RPS6KC1: variants seen among roughly 807,000 people sequenced by gnomAD.
RPS6KC1 encodes the protein ribosomal protein S6 kinase C1.
In RPS6KC1, 54 loss-of-function variants were observed where a neutral mutation model predicts 103.8. The ratio of observed to expected loss-of-function variants is 0.52; its 90% confidence interval spans 0.42 to 0.65. RPS6KC1 has a LOEUF of 0.65. Ranked by LOEUF, RPS6KC1 falls within the 30% of genes least tolerant of loss-of-function variation. The pLI, the probability that RPS6KC1 is intolerant of heterozygous loss-of-function variation, is 0.00. For synonymous variants in RPS6KC1, 439 were observed against 438.7 expected (o/e 1.00, Z -0.01); for missense variants, 1,151 against 1,253.8 (o/e 0.92, Z 1.24).
At chr1:213,494,176 T>C in the RPS6KC1 span, among the ~76,000 whole-genome samples, 1 of 152,050 alleles carries the variant, frequency 6.6e-6, no homozygotes, top group Non-Finnish European at 1.5e-5. Flanking sequence ...CACACACTTG[T>C]AGAAAGGAAC....
chr1:213,414,362 A>G, the RPS6KC1 span, among the ~76,000 whole-genome samples: 41 of 152,192 alleles, frequency 2.7e-4, no homozygotes, highest in African/African-American at 8.9e-4. Flanking sequence ...CTTTGTAGAT[A>G]TAATTAAGGT....
At chr1:213,186,349 A>G (rs1351477671) in intron 8 of RPS6KC1, among the ~76,000 whole-genome samples, 1 of 151,684 alleles carries the variant, frequency 6.6e-6, no homozygotes, top group African/African-American at 2.4e-5. Context: ...TGCTGAATAC[A>G]GTATTCTCGG....
At chr1:213,283,288 A>G in the RPS6KC1 span, among the ~76,000 whole-genome samples, 2 of 152,228 alleles carry the variant, frequency 1.3e-5, no homozygotes, top group African/African-American at 2.4e-5. Context: ...TGCTGGGAAG[A>G]TAGCAAAGAT....
chr1:213,388,118 A>G, the RPS6KC1 span, among the ~76,000 whole-genome samples: 2 of 152,206 alleles, frequency 1.3e-5, no homozygotes, highest in Non-Finnish European at 2.9e-5. Context: ...TGTGTGTGGA[A>G]TTTCAATCCT....
the RPS6KC1 span, among the ~76,000 whole-genome samples, chr1:213,719,885 G>A: frequency 6.6e-6 from 1 of 152,126 alleles, no homozygotes; most frequent in South Asian, 2.1e-4. Flanking sequence ...AGATATTTGT[G>A]CCTACTTTAC....
chr1:213,506,398 G>T, the RPS6KC1 span, among the ~76,000 whole-genome samples: 7 of 152,192 alleles, frequency 4.6e-5, no homozygotes, highest in Non-Finnish European at 7.4e-5. Context: ...TAATAGATTG[G>T]AGATGCCATG....
the RPS6KC1 span, among the ~76,000 whole-genome samples, chr1:213,786,440 A>G: frequency 6.6e-6 from 1 of 152,202 alleles, no homozygotes; most frequent in African/African-American, 2.4e-5. Context: ...CTATCATAGT[A>G]CAGTGAGTAG....
At chr1:213,831,675 T>G in the RPS6KC1 span, among the ~76,000 whole-genome samples, 2 of 152,220 alleles carry the variant, frequency 1.3e-5, no homozygotes, top group Non-Finnish European at 2.9e-5. Flanking sequence ...TAATAATTAA[T>G]GTAACAATTT....
chr1:213,183,710 A>G (rs1185624517), intron 8 of RPS6KC1, among the ~76,000 whole-genome samples: 1 of 152,118 alleles, frequency 6.6e-6, no homozygotes, highest in African/African-American at 2.4e-5. Context: ...GAACAGTCAA[A>G]TCTAGGTTCC....
At chr1:213,679,717 A>C in the RPS6KC1 span, among the ~76,000 whole-genome samples, 2 of 152,206 alleles carry the variant, frequency 1.3e-5, no homozygotes. Flanking sequence ...CTTTTCTACT[A>C]TCCTACTGCT....
chr1:213,455,720 GGAATATAA>G, the RPS6KC1 span, among the ~76,000 whole-genome samples: 4 of 152,320 alleles, frequency 2.6e-5, no homozygotes, highest in African/African-American at 9.6e-5. Context: ...AGGAAGCCAT[GGAATATAA>G]GCTACAGAGG....
At chr1:213,343,559 CGTT>C in the RPS6KC1 span, among the ~76,000 whole-genome samples, 3 of 150,428 alleles carry the variant, frequency 2.0e-5, no homozygotes, top group African/African-American at 7.3e-5. Context: ...AAAAACCAAA[CGTT>C]GTATGTTCTC....
At position 213,232,252 on chromosome 1, in the gene RPS6KC1, G is replaced by T; in HGVS notation, c.1222G>T (p.Glu408Ter). ...AGTATTTCTTGTGCTGCAGCATGCG[G>T]AAGGTTGGTTTGTAGTTTGGATTGT... ...ESVFLVLQHAEGGKLWSYISK... is the reference protein window; with the variant it reads ...ESVFLVLQHA Residue 408 changes from glutamate (E) to a stop codon, truncating the protein, a stop_gained, in exon 10 of 15, where the codon GAA (glutamate) becomes TAA (stop). Coordinates refer to ENST00000366960, the MANE Select transcript of RPS6KC1 (RefSeq NM_012424.6). LOFTEE classifies it high-confidence loss of function. 6.2e-7 allele frequency: 1 copy of T among 1,613,910 alleles called. No homozygotes were observed. The highest frequency in any genetic ancestry group is 8.5e-7 in the Non-Finnish European group (1 of 1,179,828).
downstream of RPS6KC1, among the ~76,000 whole-genome samples, chr1:213,278,580 C>T (rs1192376808): frequency 2.0e-5 from 3 of 152,170 alleles, no homozygotes; most frequent in Non-Finnish European, 4.4e-5. Context: ...TTCCCCCGAC[C>T]GTATGCTTCT....
the RPS6KC1 span, among the ~76,000 whole-genome samples, chr1:213,661,334 T>C: frequency 1.3e-5 from 2 of 152,302 alleles, no homozygotes; most frequent in Admixed American, 6.5e-5. Flanking sequence ...ACAACACACT[T>C]AGCTGTGTGC....
chr1:213,568,225 A>T, the RPS6KC1 span, among the ~76,000 whole-genome samples: 5 of 152,332 alleles, frequency 3.3e-5, no homozygotes, highest in South Asian at 1.0e-3. Context: ...AGGATAAGGT[A>T]TTTCCTGGGA....
At chr1:213,431,642 A>G in the RPS6KC1 span, among the ~76,000 whole-genome samples, 1 of 137,412 alleles carries the variant, frequency 7.3e-6, no homozygotes, top group African/African-American at 2.8e-5. Context: ...ATTGTATTCC[A>G]TTGTTTGTGT....
the RPS6KC1 span, among the ~76,000 whole-genome samples, chr1:213,511,509 T>C: frequency 7.9e-5 from 12 of 152,188 alleles, no homozygotes; most frequent in African/African-American, 2.4e-4. Flanking sequence ...GAGATGCTAA[T>C]GTAGGGATGG....
the RPS6KC1 span, among the ~76,000 whole-genome samples, chr1:213,494,030 C>A: frequency 1.3e-5 from 2 of 151,934 alleles, no homozygotes; most frequent in Non-Finnish European, 2.9e-5. Flanking sequence ...GGTAAACAAG[C>A]CTTCCAAGTG....
Sources: allele counts gnomAD v4.1 joint callset (sites outside exome capture counted in the v4.1 genomes callset), GRCh38; gene constraint gnomAD v4.1.1; transcripts MANE v1.5; gene names NCBI Gene and HGNC (gene_info 2026-07-23, HGNC 2026-07-21).